ODF2: variants seen among roughly 807,000 people sequenced by gnomAD.
ODF2 encodes outer dense fiber of sperm tails 2.
Under a neutral mutation model 110.2 loss-of-function variants are expected in ODF2, and 47 were observed. The ratio of observed to expected loss-of-function variants is 0.43; its 90% CI spans 0.34 to 0.54. The LOEUF (loss-of-function observed/expected upper bound fraction) is 0.54. Among genes scored for constraint, ODF2 ranks in the 20% least tolerant of loss-of-function variants. ODF2 has a pLI of 0.03. For synonymous variants in ODF2, 352 were observed against 397.7 expected (o/e 0.89, Z 1.37); for missense variants, 812 against 1,054.5 (o/e 0.77, Z 3.19).
chr9:128,469,314 T>C, exon 5 of ODF2: 2 of 1,614,136 alleles, frequency 1.2e-6, no homozygotes, highest in Non-Finnish European at 1.7e-6. Context: ...ATAAGAAGAT[T>C]GATAGTCTAA....
At chr9:128,468,639 T>C (rs1304990616) in intron 4 of ODF2, among the ~76,000 whole-genome samples, 1 of 151,938 alleles carries the variant, frequency 6.6e-6, no homozygotes, top group African/African-American at 2.4e-5. Context: ...CCTCCAGCCT[T>C]AGCCTCCTGA....
At chr9:128,499,907 G>A (rs1846270345) in intron 20 of ODF2, among the ~76,000 whole-genome samples, 160 bp from the exon 21 acceptor site, 1 of 152,162 alleles carries the variant, frequency 6.6e-6, no homozygotes, top group Non-Finnish European at 1.5e-5. Context: ...ACTGTGCCTG[G>A]TCTTAGAATA....
chr9:128,462,520 TTG>T (rs1836750432), intron 4 of ODF2, among the ~76,000 whole-genome samples: 1 of 152,204 alleles, frequency 6.6e-6, no homozygotes, highest in Non-Finnish European at 1.5e-5. Flanking sequence ...TTGGCAGGAC[TTG>T]TCTAAACATT....
At chr9:128,483,469 G>C (rs1292013947) in intron 10 of ODF2, among the ~76,000 whole-genome samples, 5 of 151,752 alleles carry the variant, frequency 3.3e-5, no homozygotes, top group Non-Finnish European at 7.4e-5. Flanking sequence ...TGTAGTTCCA[G>C]CTACTCTGGA....
intron 6 of ODF2, 107 bp downstream of exon 6, chr9:128,471,575 T>A (rs1840007270): frequency 1.0e-6 from 1 of 993,338 alleles, no homozygotes; most frequent in South Asian, 1.5e-5. Flanking sequence ...ACAGGCACTG[T>A]GCCTGTGCCC....
rs71381765 is a variant in ODF2, at chr9:128,497,446, AATATATATATATATATATATATAT to A, written c.2013-950_2013-927del. ...ACTAAAAAAAAAAAAAAAAAAAAAAAATATATATATATATATATATATATATATATATATATATATGTATAAAAT... is the reference window on the plus strand; with the variant it reads ...ACTAAAAAAAAAAAAAAAAAAAAAAAATATATATATATATATGTATAAAAT... On this transcript the variant is annotated intron_variant, in intron 18 of 20. Coordinates refer to ENST00000604420, the Ensembl canonical transcript of ODF2. The A allele has an allele frequency of 2.7e-3, 114 of 42,600 alleles. 1 individual carries two copies. Among genetic ancestry groups the A allele is most frequent in the Non-Finnish European group, 3.4e-3 (96 of 28,006 alleles). The allele number at this position is 42,600 out of a possible 1,614,324, so 2.6% of individuals were successfully genotyped here.
chr9:128,499,110 G>A (rs753303048), exon 20 of ODF2: 53 of 1,614,074 alleles, frequency 3.3e-5, no homozygotes, highest in African/African-American at 4.0e-5. Context: ...AGCCAGCTGC[G>A]GCGGAGCCGT....
rs533930484 is a variant in ODF2 at position 128,471,282 on chromosome 9, G to T, written c.421-26G>T. ...ATAGAGGAAGGACCTCCCTTCAGTG[G>T]CCCCTGCCTGGGTCCCCCTGCTCAG... On this transcript the variant is annotated intron_variant, in intron 5 of 20. Transcript: ENST00000604420. 12 of 1,583,216 alleles carry T rather than the reference G, an allele frequency of 7.6e-6. No homozygotes were observed. The East Asian group carries it at 2.8e-4, about 36-fold the overall frequency.
intron 14 of ODF2, among the ~76,000 whole-genome samples, chr9:128,489,405 C>T (rs552787768): frequency 1.3e-5 from 2 of 152,298 alleles, no homozygotes; most frequent in African/African-American, 2.4e-5. Flanking sequence ...ACCCTAGTGA[C>T]CTTTCTTGTT....
chr9:128,482,955 G>A (rs2132009217), intron 10 of ODF2, 68 bp downstream of exon 10: 1 of 1,267,450 alleles, frequency 7.9e-7, no homozygotes, highest in South Asian at 1.3e-5. Flanking sequence ...GAGTGCAATG[G>A]CGCGATCTCA....
exon 12 of ODF2, chr9:128,484,783 A>G: frequency 6.2e-7 from 1 of 1,612,590 alleles, no homozygotes; most frequent in Non-Finnish European, 8.5e-7. Flanking sequence ...CAGAAGGGAG[A>G]CCGAGACAAA....
chr9:128,498,626 C>A, intron 19 of ODF2, 51 bp downstream of exon 19: 1 of 1,029,066 alleles, frequency 9.7e-7, no homozygotes, highest in Non-Finnish European at 1.4e-6. Context: ...GGCAAATCAC[C>A]TAAACTCTCA....
At position 128,459,487 on chromosome 9, in the gene ODF2, A is replaced by G. The variant is rs560273285; in HGVS notation, c.33-80A>G. 1.7e-4 allele frequency: 188 copies of G among 1,100,134 alleles called. No individual in the cohort carries two copies. In the African/African-American group the frequency reaches 2.6e-3, roughly 15 times the overall value. 68.1% of individuals were successfully genotyped at this position (1,100,134 alleles called of 1,614,324 possible). A position where few individuals can be genotyped will look rare whatever the true frequency, so the allele number is the denominator to read the frequency against. The stretch of plus-strand genomic sequence containing the variant: ...CATGAACATGTTAGCTACCGTAGTC[A>G]GTGTGTAATTTCATGAGATCTGAAA... On this transcript the variant is annotated intron_variant, in intron 2 of 20. Coordinates refer to ENST00000604420, the Ensembl canonical transcript of ODF2.
chr9:128,459,339 G>A (rs1338468828), intron 2 of ODF2, among the ~76,000 whole-genome samples: 1 of 152,152 alleles, frequency 6.6e-6, no homozygotes, highest in Non-Finnish European at 1.5e-5. Context: ...GTGATGTGAC[G>A]ATATGTTAAA....
intron 4 of ODF2, among the ~76,000 whole-genome samples, chr9:128,462,232 A>G (rs1588715151): frequency 6.6e-6 from 1 of 151,540 alleles, no homozygotes; most frequent in African/African-American, 2.4e-5. Context: ...GCTCACCACA[A>G]CCTCCGCCTC....
Position 128,498,451 on chromosome 9 carries a change from TA to T in ODF2, c.2052del (p.Gln685ArgfsTer2). ...ACCAGTGCCCAGAATATCGAGTTCC[TA>T]CAGGTGATTGCCAAGAGGGAGGAGG... On this transcript the variant is annotated frameshift_variant, in exon 19 of 21. Coordinates refer to ENST00000604420, the Ensembl canonical transcript of ODF2. LOFTEE classifies it high-confidence loss of function. 1 of 1,612,338 alleles carries T rather than the reference TA, an allele frequency of 6.2e-7. No individual in the cohort carries two copies. The highest frequency in any genetic ancestry group is 1.1e-5 in the South Asian group (1 of 90,650).
At chr9:128,458,172 C>G (rs1225638737) in intron 2 of ODF2, among the ~76,000 whole-genome samples, 1 of 152,078 alleles carries the variant, frequency 6.6e-6, no homozygotes, top group Non-Finnish European at 1.5e-5. Flanking sequence ...TTTGGGGGGC[C>G]AGGTGCGGTG....
chr9:128,458,877 C>T (rs1835668359), intron 2 of ODF2, among the ~76,000 whole-genome samples: 1 of 152,010 alleles, frequency 6.6e-6, no homozygotes, highest in Admixed American at 6.6e-5. Context: ...CGGGGTCTCC[C>T]TCTGCCACCT....
At chr9:128,496,759 ACT>A (rs1450999352) in intron 18 of ODF2, among the ~76,000 whole-genome samples, 1 of 145,866 alleles carries the variant, frequency 6.9e-6, no homozygotes, top group Non-Finnish European at 1.5e-5. Flanking sequence ...CTATCATGTC[ACT>A]CTGTCACCCA....
Sources: allele counts gnomAD v4.1 joint callset (sites outside exome capture counted in the v4.1 genomes callset), GRCh38; gene constraint gnomAD v4.1.1; transcripts MANE v1.5; gene names NCBI Gene and HGNC (gene_info 2026-07-23, HGNC 2026-07-21).